Variants in PRPSAP1 observed in about 807,000 individuals in gnomAD.
PRPSAP1 encodes phosphoribosyl pyrophosphate synthase-associated protein 1.
In PRPSAP1, 31 loss-of-function variants were observed where a neutral mutation model predicts 39.4. The observed-to-expected ratio is 0.79, with a 90% CI of 0.59 to 1.06. The LOEUF (loss-of-function observed/expected upper bound fraction) is 1.06. Ranked by LOEUF, PRPSAP1 falls within the 50% of genes least tolerant of loss-of-function variation. PRPSAP1 has a pLI of 0.00. For synonymous variants in PRPSAP1, 212 were observed against 192.6 expected (o/e 1.10, Z -0.83); for missense variants, 430 against 511.6 (o/e 0.84, Z 1.54).
intron 3 of PRPSAP1, among the ~76,000 whole-genome samples, chr17:76,333,255 C>T (rs1475874596): frequency 5.9e-5 from 9 of 152,060 alleles, no homozygotes; most frequent in African/African-American, 1.7e-4. Context: ...GGATTATAGG[C>T]GTGCACCACC....
chr17:76,332,242 A>T, intron 4 of PRPSAP1, 21 bp downstream of exon 4: 1 of 1,610,506 alleles, frequency 6.2e-7, no homozygotes, highest in Non-Finnish European at 8.5e-7. Flanking sequence ...CTGGAACCCC[A>T]GGGCCCCCGC....
chr17:76,327,630 C>T (rs2071268411), intron 7 of PRPSAP1, among the ~76,000 whole-genome samples: 1 of 151,820 alleles, frequency 6.6e-6, no homozygotes, highest in Non-Finnish European at 1.5e-5. Flanking sequence ...TCCAGCCTGG[C>T]GACAGAGTGA....
rs779238232 is a variant in PRPSAP1 at position 76,348,573 on chromosome 17, C to T, written c.179G>A (p.Gly60Asp). The T allele has an allele frequency of 2.0e-6, 3 of 1,531,504 alleles. No homozygotes were observed. Among genetic ancestry groups the T allele is most frequent in the East Asian group, 2.5e-5 (1 of 39,964 alleles). The allele number at this position is 1,531,504 out of a possible 1,614,324, so 94.9% of individuals were successfully genotyped here. ...TACAACAGACTTCCCCAATTCAGCA[C>T]CAAGGCGCCTATAGATCAAAAAGAA... ...ELAKRITERL[G>D]AELGKSVVYQ... is the part of the protein sequence containing the mutation. Residue 60 changes from glycine (G) to aspartate (D), a missense_variant, in exon 2 of 10, where the codon GGT becomes GAT. Coordinates refer to ENST00000446526, the MANE Select transcript of PRPSAP1 (RefSeq NM_002766.3).
intron 1 of PRPSAP1, among the ~76,000 whole-genome samples, chr17:76,348,932 C>T (rs1446810181): frequency 6.6e-6 from 1 of 152,130 alleles, no homozygotes; most frequent in Non-Finnish European, 1.5e-5. Flanking sequence ...TTATCAAAAG[C>T]ATAGAGAAGG....
chr17:76,332,915 C>CG (rs1052666758), intron 3 of PRPSAP1, among the ~76,000 whole-genome samples: 1 of 146,304 alleles, frequency 6.8e-6, no homozygotes, highest in African/African-American at 2.6e-5. Context: ...TTTTTTGAGA[C>CG]GGAGTCTCGC....
At chr17:76,329,453 G>A (rs2071295272) in intron 6 of PRPSAP1, among the ~76,000 whole-genome samples, 1 of 152,072 alleles carries the variant, frequency 6.6e-6, no homozygotes, top group South Asian at 2.1e-4. Context: ...CCATTGCCTG[G>A]GCCGGGCACA....
At chr17:76,345,600 T>C (rs892698633) in intron 2 of PRPSAP1, among the ~76,000 whole-genome samples, 3 of 142,210 alleles carry the variant, frequency 2.1e-5, no homozygotes, top group African/African-American at 8.3e-5. Context: ...AACAGAGACC[T>C]TGTCTGGAGA....
rs1427252372 is a variant in PRPSAP1, at chr17:76,310,893, G to GT, written c.*648dup. ...CAGCCACAGACCTGACTGCTGTTCT[G>GT]TATCCATGGTCTTCTGCTGTCTAAT... On this transcript the variant is annotated 3_prime_UTR_variant, in exon 10 of 10. Transcript: ENST00000446526. The GT allele has an allele frequency of 2.0e-5, 3 of 151,812 alleles. No homozygotes were observed. 9.4% of individuals were successfully genotyped at this position (151,812 alleles called of 1,614,324 possible).
At chr17:76,316,889 T>A (rs2071130579) in intron 7 of PRPSAP1, among the ~76,000 whole-genome samples, 1 of 152,212 alleles carries the variant, frequency 6.6e-6, no homozygotes, top group South Asian at 2.1e-4. Flanking sequence ...CCATCACAAG[T>A]ACAAGCACCT....
chr17:76,313,758 G>C, intron 8 of PRPSAP1, 63 bp downstream of exon 8: 1 of 1,542,792 alleles, frequency 6.5e-7, no homozygotes, highest in Non-Finnish European at 9.0e-7. Context: ...GTCCCAGAGT[G>C]GACAACCTAC....
At chr17:76,345,125 C>T (rs940671929) in intron 2 of PRPSAP1, among the ~76,000 whole-genome samples, 1 of 150,260 alleles carries the variant, frequency 6.7e-6, no homozygotes. Flanking sequence ...GTCCCAGCTA[C>T]TCGGGAGGCT....
intron 7 of PRPSAP1, chr17:76,319,371 T>A (rs1006304944): frequency 2.0e-5 from 3 of 152,184 alleles, no homozygotes; most frequent in African/African-American, 7.2e-5. Flanking sequence ...CTAAATACCA[T>A]TCTCAGCTGG....
chr17:76,315,605 G>C (rs1194243846), intron 7 of PRPSAP1, among the ~76,000 whole-genome samples: 1 of 151,802 alleles, frequency 6.6e-6, no homozygotes, highest in South Asian at 2.1e-4. Flanking sequence ...AAAATGGGGG[G>C]AGGGGGGTTT....
In PRPSAP1 at chr17:76,349,248, G is replaced by C. The variant is rs1376230271; in HGVS notation, c.171-667C>G. On this transcript the variant is annotated intron_variant, in intron 1 of 9. Transcript: ENST00000446526. ...GAACCCGGGAGGCGGAGGTTGTGGT[G>C]AGCCGAGATCGCGCCATTGCACTCC... is the stretch of plus-strand genomic sequence containing the variant. 2.0e-5 allele frequency among the ~76,000 whole-genome samples: 3 copies of C among 151,270 alleles called. No individual in the cohort carries two copies. In the East Asian group the frequency reaches 5.8e-4, roughly 29 times the overall value.
chr17:76,339,029 T>C (rs1263604499), intron 3 of PRPSAP1, among the ~76,000 whole-genome samples: 1 of 150,652 alleles, frequency 6.6e-6, no homozygotes, highest in East Asian at 2.0e-4. Flanking sequence ...AAGAAACTCG[T>C]CTCAAAAAAA....
intron 9 of PRPSAP1, among the ~76,000 whole-genome samples, chr17:76,312,287 A>T (rs906938466): frequency 8.5e-5 from 13 of 152,162 alleles, no homozygotes; most frequent in Non-Finnish European, 1.8e-4. Context: ...AGAAAAACAC[A>T]AAAATTAGGC....
intron 7 of PRPSAP1, among the ~76,000 whole-genome samples, chr17:76,323,376 A>G (rs2071218970): frequency 6.6e-6 from 1 of 151,650 alleles, no homozygotes; most frequent in South Asian, 2.1e-4. Flanking sequence ...ATAAGACTAT[A>G]GATGCCATAG....
Position 76,331,689 on chromosome 17 carries a change from A to C in PRPSAP1, c.463+574T>G, listed in dbSNP as rs189076191. Among the ~76,000 whole-genome samples the C allele has an allele frequency of 2.4e-3, 372 of 152,144 alleles. 2 individuals are homozygous for C. Among genetic ancestry groups the C allele is most frequent in the African/African-American group, 8.5e-3 (351 of 41,502 alleles). On this transcript the variant is annotated intron_variant, in intron 4 of 9. Coordinates refer to ENST00000446526, the MANE Select transcript of PRPSAP1 (RefSeq NM_002766.3). ...AATCCTATAAGGACATTGAGGGAGG[A>C]CCATACATTTCTTTCCGAGGACCCA...
chr17:76,315,995 T>C (rs1418144621), intron 7 of PRPSAP1, among the ~76,000 whole-genome samples: 1 of 150,228 alleles, frequency 6.7e-6, no homozygotes, highest in Non-Finnish European at 1.5e-5. Context: ...CTGGCCAACA[T>C]GGTGAAACTC....
Sources: gnomAD v4.1 joint callset for allele counts (sites outside exome capture counted in the v4.1 genomes callset) on GRCh38, gnomAD v4.1.1 for gene constraint, MANE v1.5 for transcripts, NCBI Gene and HGNC (gene_info 2026-07-23, HGNC 2026-07-21) for gene names.